The following PLXNA1 variants were observed in gnomAD, a reference collection of about 807,000 sequenced individuals.
PLXNA1 encodes plexin A1.
Under a neutral mutation model 191.7 loss-of-function variants are expected in PLXNA1, and 77 were observed. That is an observed-to-expected ratio of 0.40 (90% CI 0.33 to 0.49). The LOEUF (loss-of-function observed/expected upper bound fraction) is 0.49. Ranked by LOEUF, PLXNA1 falls within the 20% of genes least tolerant of loss-of-function variation. The pLI is 0.63. For missense variants in PLXNA1, 2,110 were observed against 2,660.2 expected (o/e 0.79, Z 4.55); for synonymous variants, 1,137 against 1,156.4 (o/e 0.98, Z 0.34).
rs779675244 is a variant in PLXNA1, at chr3:127,027,935, C to T, written c.4363-5C>T. ...GGCTGCAGCCTCATGCCGCCACCCC[C>T]GCAGGAGTGCGCTGGGGAGCCGCTG... On this transcript the variant is annotated splice_polypyrimidine_tract_variant and splice_region_variant and intron_variant, in intron 23 of 31. Coordinates refer to ENST00000393409, the MANE Select transcript of PLXNA1 (RefSeq NM_032242.4). 98 of 1,613,026 alleles carry T rather than the reference C, an allele frequency of 6.1e-5. No homozygotes were observed. Among genetic ancestry groups the T allele is most frequent in the Non-Finnish European group, 7.1e-5 (84 of 1,179,918 alleles).
chr3:127,018,476 G>A lies in PLXNA1; in HGVS notation c.3843G>A (p.Leu1281=). ...SRDADRTLKR[L]QLQMDNLESR... is the part of the protein sequence containing the mutation. ...ATGCTGACCGCACACTCAAGCGGCT[G>A]CAGCTCCAGATGGACAACCTGGAGT... Residue 1281 remains leucine (L), a synonymous_variant, in exon 20 of 32, where the codon CTG becomes CTA. Coordinates refer to ENST00000393409, the MANE Select transcript of PLXNA1 (RefSeq NM_032242.4). 6.2e-7 allele frequency: 1 copy of A among 1,612,744 alleles called. No homozygotes were observed. The highest frequency in any genetic ancestry group is 8.5e-7 in the Non-Finnish European group (1 of 1,179,732).
At chr3:127,014,415 C>G (rs1431892748) in intron 12 of PLXNA1, 40 bp downstream of exon 12, 2 of 1,571,686 alleles carry the variant, frequency 1.3e-6, no homozygotes, top group African/African-American at 2.7e-5. Context: ...CATGCCCCGC[C>G]CTGCACCACC....
intron 10 of PLXNA1, 115 bp from the exon 11 acceptor site, chr3:127,013,904 GT>G (rs2107631426): frequency 1.2e-6 from 1 of 865,504 alleles, no homozygotes; most frequent in Non-Finnish European, 2.0e-6. Context: ...AGAGGGAGCG[GT>G]TGTGGCTGCA....
At chr3:127,009,431 G>T (rs1020265175) in intron 9 of PLXNA1, among the ~76,000 whole-genome samples, 1 of 151,978 alleles carries the variant, frequency 6.6e-6, no homozygotes, top group African/African-American at 2.4e-5. Context: ...TGTGGGGAGT[G>T]GATTCTCTCC....
intron 9 of PLXNA1, among the ~76,000 whole-genome samples, chr3:127,008,701 G>A (rs2079080633): frequency 6.6e-6 from 1 of 152,140 alleles, no homozygotes; most frequent in African/African-American, 2.4e-5. Context: ...TTGCCAGGGA[G>A]ACCTTGGAGG....
intron 8 of PLXNA1, 39 bp downstream of exon 8, chr3:127,006,217 G>A (rs760316302): frequency 9.3e-6 from 14 of 1,512,564 alleles, no homozygotes; most frequent in Non-Finnish European, 1.2e-5. Context: ...CTGGGCCTGG[G>A]CTACTTGCCC....
intron 25 of PLXNA1, 27 bp downstream of exon 25, chr3:127,028,367 G>T (rs780408762): frequency 2.5e-6 from 4 of 1,597,856 alleles, no homozygotes; most frequent in African/African-American, 1.3e-5. Flanking sequence ...ACGGCTGCCC[G>T]GGGTGTGTGC....
At chr3:127,020,714 C>A (rs1424803195) in intron 21 of PLXNA1, among the ~76,000 whole-genome samples, 1 of 152,226 alleles carries the variant, frequency 6.6e-6, no homozygotes, top group East Asian at 1.9e-4. Flanking sequence ...CGGTGGCTGC[C>A]CCTTGGGCCC....
chr3:127,004,014 G>A (rs2079053510), intron 4 of PLXNA1, among the ~76,000 whole-genome samples: 1 of 152,244 alleles, frequency 6.6e-6, no homozygotes, highest in South Asian at 2.1e-4. Context: ...GTAACCTCGT[G>A]GCAGCTGGAG....
At chr3:126,994,987 C>T (rs748282012) in intron 3 of PLXNA1, among the ~76,000 whole-genome samples, 11 of 152,036 alleles carry the variant, frequency 7.2e-5, no homozygotes, top group Non-Finnish European at 1.6e-4. Flanking sequence ...CCCCAGCCCA[C>T]GCTTGACCCA....
At chr3:127,029,636 C>T in intron 27 of PLXNA1, 100 bp downstream of exon 27, 1 of 1,315,568 alleles carries the variant, frequency 7.6e-7, no homozygotes, top group Admixed American at 1.8e-5. Flanking sequence ...ACGGGAGGAC[C>T]CAGGGGCAGG....
intron 23 of PLXNA1, among the ~76,000 whole-genome samples, chr3:127,023,140 GC>G (rs2079160512): frequency 6.6e-6 from 1 of 152,208 alleles, no homozygotes; most frequent in Admixed American, 6.5e-5. Context: ...CCTCTGAGGG[GC>G]CAGCCTGGGG....
At chr3:127,003,793 A>G (rs1391712071) in intron 4 of PLXNA1, among the ~76,000 whole-genome samples, 2 of 152,194 alleles carry the variant, frequency 1.3e-5, no homozygotes, top group Non-Finnish European at 2.9e-5. Flanking sequence ...GAGCAATTTC[A>G]GAGGCAGGTG....
At chr3:126,999,644 G>A (rs932075073) in intron 3 of PLXNA1, among the ~76,000 whole-genome samples, 1 of 152,226 alleles carries the variant, frequency 6.6e-6, no homozygotes, top group Non-Finnish European at 1.5e-5. Flanking sequence ...TGACCTGGCC[G>A]GGCCCTCAGC....
chr3:127,009,146 G>A (rs78411776), intron 9 of PLXNA1, among the ~76,000 whole-genome samples: 4,004 of 152,252 alleles, frequency 0.026, 81 homozygotes, highest in Middle Eastern at 0.041. Context: ...TGGCTTTGGC[G>A]CTGTGCGCAG....
chr3:126,992,434 C>T (rs971296437), intron 3 of PLXNA1, among the ~76,000 whole-genome samples: 11 of 152,210 alleles, frequency 7.2e-5, no homozygotes, highest in East Asian at 1.9e-4. Context: ...GGGGCTGGGC[C>T]GGGGGCTGGC....
intron 9 of PLXNA1, among the ~76,000 whole-genome samples, chr3:127,010,966 C>T (rs116587380): frequency 1.0e-3 from 154 of 152,300 alleles, no homozygotes; most frequent in Non-Finnish European, 1.9e-3. Flanking sequence ...AGTCTCAGTG[C>T]CCTGAGCCAC....
chr3:127,007,205 C>T (rs558223453), intron 8 of PLXNA1, among the ~76,000 whole-genome samples: 1 of 152,164 alleles, frequency 6.6e-6, no homozygotes, highest in South Asian at 2.1e-4. Flanking sequence ...TTCCTGGAGG[C>T]TGTTGAGATG....
intron 8 of PLXNA1, 105 bp from the exon 9 acceptor site, chr3:127,007,694 G>A (rs1428243234): frequency 1.4e-6 from 1 of 693,174 alleles, no homozygotes; most frequent in Non-Finnish European, 2.5e-6. Context: ...AGACCCTGAG[G>A]TGGCACTATG....
Sources: gnomAD v4.1 joint callset for allele counts (sites outside exome capture counted in the v4.1 genomes callset) on GRCh38, gnomAD v4.1.1 for gene constraint, MANE v1.5 for transcripts, NCBI Gene and HGNC (gene_info 2026-07-23, HGNC 2026-07-21) for gene names.